The following SGMS2 variants were observed in gnomAD, a reference collection of about 807,000 sequenced individuals.
SGMS2 encodes sphingomyelin synthase 2, also known as phosphatidylcholine:ceramide cholinephosphotransferase 2.
A neutral mutation model predicts 43.8 loss-of-function variants in SGMS2; 21 were observed. The observed-to-expected ratio is 0.48, with a 90% CI of 0.34 to 0.69. The LOEUF is 0.69. Among genes scored for constraint, SGMS2 ranks in the 30% least tolerant of loss-of-function variants. SGMS2 has a pLI of 0.01. For missense variants in SGMS2, 384 were observed against 443.2 expected, an observed-to-expected ratio of 0.87 and a Z score of 1.20; for synonymous variants, 167 against 160.6, an observed-to-expected ratio of 1.04 and a Z score of -0.30.
At chr4:107,825,578 CTG>C (rs1293573587) in intron 1 of SGMS2, among the ~76,000 whole-genome samples, 2 of 149,630 alleles carry the variant, frequency 1.3e-5, no homozygotes, top group African/African-American at 4.9e-5. Flanking sequence ...GGAGGAGGGA[CTG>C]TGTGTGTGTG....
intron 3 of SGMS2, among the ~76,000 whole-genome samples, chr4:107,898,951 A>G (rs567911535): frequency 3.9e-5 from 6 of 152,236 alleles, no homozygotes; most frequent in Non-Finnish European, 8.8e-5. Flanking sequence ...TAACTGTATG[A>G]GAACACTTTG....
At chr4:107,854,958 C>T (rs976081102) in intron 1 of SGMS2, among the ~76,000 whole-genome samples, 1 of 152,164 alleles carries the variant, frequency 6.6e-6, no homozygotes, top group Non-Finnish European at 1.5e-5. Context: ...CACTTGCCTT[C>T]CTCCAAACAC....
chr4:107,853,502 C>CT (rs1291799955), intron 1 of SGMS2, among the ~76,000 whole-genome samples: 1 of 152,172 alleles, frequency 6.6e-6, no homozygotes, highest in Non-Finnish European at 1.5e-5. Flanking sequence ...GACTCTGCTT[C>CT]TGTAAGTTCA....
chr4:107,858,129 G>C (rs999884360), intron 1 of SGMS2, among the ~76,000 whole-genome samples: 5 of 151,824 alleles, frequency 3.3e-5, no homozygotes, highest in African/African-American at 1.2e-4. Flanking sequence ...ACTTTTTTGA[G>C]TGACATTGAC....
intron 1 of SGMS2, among the ~76,000 whole-genome samples, chr4:107,858,236 G>A (rs1727536254): frequency 6.6e-6 from 1 of 152,152 alleles, no homozygotes; most frequent in African/African-American, 2.4e-5. Flanking sequence ...TTAAATAGGG[G>A]CTGGCAGGTG....
At chr4:107,856,685 CAT>C (rs1727449312) in intron 1 of SGMS2, among the ~76,000 whole-genome samples, 1 of 152,094 alleles carries the variant, frequency 6.6e-6, no homozygotes, top group South Asian at 2.1e-4. Context: ...GAGGGGTAAA[CAT>C]GTACCATGGG....
intron 2 of SGMS2, among the ~76,000 whole-genome samples, chr4:107,862,091 G>A (rs1578549895): frequency 6.6e-6 from 1 of 152,150 alleles, no homozygotes; most frequent in Non-Finnish European, 1.5e-5. Context: ...TGGTGGGGGC[G>A]GCTTTTCTAA....
At chr4:107,828,103 A>G (rs372142726) in intron 1 of SGMS2, among the ~76,000 whole-genome samples, 11 of 152,330 alleles carry the variant, frequency 7.2e-5, no homozygotes, top group East Asian at 5.8e-4. Flanking sequence ...TCCCCATATT[A>G]TAAGTAATGT....
chr4:107,868,579 G>A (rs749509248), intron 2 of SGMS2, among the ~76,000 whole-genome samples: 2 of 152,066 alleles, frequency 1.3e-5, no homozygotes, highest in Non-Finnish European at 1.5e-5. Context: ...TCAGCTGGGC[G>A]TTGTGGTGGG....
chr4:107,828,395 T>C (rs951184708), intron 1 of SGMS2, among the ~76,000 whole-genome samples: 12 of 152,244 alleles, frequency 7.9e-5, no homozygotes, highest in Non-Finnish European at 7.3e-5. Context: ...TAAGTAACTT[T>C]CCTGAAGTTG....
At chr4:107,826,023 C>G (rs1440395337) in intron 1 of SGMS2, among the ~76,000 whole-genome samples, 3 of 152,186 alleles carry the variant, frequency 2.0e-5, no homozygotes, top group Non-Finnish European at 4.4e-5. Flanking sequence ...CTGTACCTAA[C>G]TTTTCAAATC....
chr4:107,849,088 G>A (rs1265247868), intron 1 of SGMS2, among the ~76,000 whole-genome samples: 1 of 152,108 alleles, frequency 6.6e-6, no homozygotes, highest in African/African-American at 2.4e-5. Flanking sequence ...ATCCTGAGAA[G>A]CAGTACTTTC....
At chr4:107,845,423 C>G (rs1738337828) in intron 1 of SGMS2, among the ~76,000 whole-genome samples, 1 of 152,162 alleles carries the variant, frequency 6.6e-6, no homozygotes, top group African/African-American at 2.4e-5. Context: ...CTGCACCTTC[C>G]TCTGTTGTGT....
At chr4:107,837,144 T>C (rs968277122) in intron 1 of SGMS2, among the ~76,000 whole-genome samples, 1 of 152,210 alleles carries the variant, frequency 6.6e-6, no homozygotes, top group African/African-American at 2.4e-5. Flanking sequence ...CTAGACCTCA[T>C]TTTTGATTCT....
chr4:107,881,735 C>A (rs1729371090), intron 2 of SGMS2, among the ~76,000 whole-genome samples: 1 of 152,114 alleles, frequency 6.6e-6, no homozygotes, highest in Admixed American at 6.6e-5. Context: ...TACCCATTAA[C>A]CATCTCTACT....
intron 2 of SGMS2, among the ~76,000 whole-genome samples, chr4:107,861,208 A>G (rs1341424669): frequency 6.6e-6 from 1 of 152,214 alleles, no homozygotes; most frequent in East Asian, 1.9e-4. Context: ...CTCTACTGCT[A>G]TTTAATTATT....
intron 1 of SGMS2, among the ~76,000 whole-genome samples, chr4:107,829,324 A>C (rs992067085): frequency 3.9e-5 from 6 of 152,208 alleles, no homozygotes; most frequent in African/African-American, 1.4e-4. Context: ...CTGAGTCAAA[A>C]TTTTAGTTTT....
intron 1 of SGMS2, among the ~76,000 whole-genome samples, chr4:107,841,110 A>G (rs1168702858): frequency 6.6e-6 from 1 of 152,208 alleles, no homozygotes; most frequent in African/African-American, 2.4e-5. Context: ...AGAGAGACCC[A>G]CTTTAAAGAG....
chr4:107,870,484 G>C (rs776393400), intron 2 of SGMS2, among the ~76,000 whole-genome samples: 2 of 152,164 alleles, frequency 1.3e-5, no homozygotes, highest in South Asian at 4.1e-4. Flanking sequence ...TACATGAGTT[G>C]TAAGCATCTG....
Sources: allele counts gnomAD v4.1 joint callset (sites outside exome capture counted in the v4.1 genomes callset), GRCh38; gene constraint gnomAD v4.1.1; transcripts MANE v1.5; gene names NCBI Gene and HGNC (gene_info 2026-07-23, HGNC 2026-07-21).